Variants in SCFD2 observed in about 807,000 individuals in gnomAD.
The protein encoded by SCFD2 is sec1 family domain containing 2.
Under a neutral mutation model 58.9 loss-of-function variants are expected in SCFD2, and 54 were observed. That is an observed-to-expected ratio of 0.92 (90% CI 0.74 to 1.15). The LOEUF is 1.15. Among genes scored for constraint, SCFD2 ranks in the 50% most tolerant of loss-of-function variants. The probability of loss-of-function intolerance (pLI) is 0.00; values close to 1 mark genes in which losing one functional copy is unlikely to be tolerated. For missense variants in SCFD2, 805 were observed against 836.6 expected, an observed-to-expected ratio of 0.96 and a Z score of 0.47; for synonymous variants, 321 against 335.9, an observed-to-expected ratio of 0.96 and a Z score of 0.49.
intron 4 of SCFD2, among the ~76,000 whole-genome samples, chr4:53,251,132 G>A (rs1434341386): frequency 6.6e-6 from 1 of 152,144 alleles, no homozygotes; most frequent in African/African-American, 2.4e-5. Flanking sequence ...AGAAAATCTA[G>A]AAGAAATGGA....
chr4:53,148,433 G>A (rs60258908), intron 4 of SCFD2, among the ~76,000 whole-genome samples: 1 of 152,120 alleles, frequency 6.6e-6, no homozygotes, highest in Non-Finnish European at 1.5e-5. Context: ...ACAAAGTCAG[G>A]AATATTGACC....
At chr4:53,222,559 A>C (rs1729079188) in intron 4 of SCFD2, among the ~76,000 whole-genome samples, 1 of 152,222 alleles carries the variant, frequency 6.6e-6, no homozygotes. Flanking sequence ...TGACAGTTCT[A>C]GGGAAAACAA....
chr4:53,295,542 G>C (rs1731997482), intron 3 of SCFD2, among the ~76,000 whole-genome samples: 1 of 152,174 alleles, frequency 6.6e-6, no homozygotes, highest in African/African-American at 2.4e-5. Flanking sequence ...TTTGGGCTGA[G>C]ATGATGGGGT....
chr4:53,232,083 C>G (rs1248762249), intron 4 of SCFD2, among the ~76,000 whole-genome samples: 1 of 151,922 alleles, frequency 6.6e-6, no homozygotes, highest in East Asian at 1.9e-4. Flanking sequence ...CAAGAAATGC[C>G]AAACCCAAAT....
intron 4 of SCFD2, among the ~76,000 whole-genome samples, chr4:53,213,819 C>A (rs13122159): frequency 6.6e-6 from 1 of 151,904 alleles, no homozygotes; most frequent in Non-Finnish European, 1.5e-5. Flanking sequence ...CACCACCCCA[C>A]GACAGGCCCT....
intron 5 of SCFD2, among the ~76,000 whole-genome samples, chr4:53,134,595 C>T (rs1317324316): frequency 6.6e-6 from 1 of 152,160 alleles, no homozygotes; most frequent in Non-Finnish European, 1.5e-5. Flanking sequence ...TTTGATTATT[C>T]CAATTCGAGT....
chr4:53,353,854 C>T (rs1284848122), intron 1 of SCFD2, among the ~76,000 whole-genome samples: 53 of 140,190 alleles, frequency 3.8e-4, no homozygotes, highest in Non-Finnish European at 7.5e-5. Context: ...AGACACAGAG[C>T]ACTGATTGGT....
intron 4 of SCFD2, among the ~76,000 whole-genome samples, chr4:53,167,377 G>A (rs1727041756): frequency 1.3e-5 from 2 of 152,132 alleles, no homozygotes; most frequent in Admixed American, 6.6e-5. Context: ...TCCAAAGCAC[G>A]TGACTCATTT....
chr4:53,129,484 T>C (rs906999800), intron 5 of SCFD2, among the ~76,000 whole-genome samples: 2 of 152,224 alleles, frequency 1.3e-5, no homozygotes, highest in Non-Finnish European at 2.9e-5. Context: ...ACATTCTCCT[T>C]CTGGCTTTAA....
Position 52,873,915 on chromosome 4 carries a change from G to T in SCFD2, c.*54C>A. On this transcript the variant is annotated 3_prime_UTR_variant, in exon 9 of 9. Transcript: ENST00000401642. ...TGGAGGAGTATTTGGAGTGGTGGCAGAAAATTGCATCGGCATTTCCAGCTT... is the reference window on the plus strand; with the variant it reads ...TGGAGGAGTATTTGGAGTGGTGGCATAAAATTGCATCGGCATTTCCAGCTT... 7.4e-7 allele frequency: 1 copy of T among 1,356,350 alleles called. No individual in the cohort carries two copies. The highest frequency in any genetic ancestry group is 1.1e-6 in the Non-Finnish European group (1 of 946,218). The allele number at this position is 1,356,350 out of a possible 1,614,324, so 84.0% of individuals were successfully genotyped here.
chr4:53,271,179 C>T (rs569960800), intron 4 of SCFD2, among the ~76,000 whole-genome samples: 10 of 152,176 alleles, frequency 6.6e-5, no homozygotes, highest in African/African-American at 2.4e-4. Context: ...AGGACACAGC[C>T]TTGAGCCTTA....
intron 4 of SCFD2, among the ~76,000 whole-genome samples, chr4:53,249,868 A>T (rs1404744038): frequency 6.6e-6 from 1 of 152,182 alleles, no homozygotes; most frequent in East Asian, 1.9e-4. Flanking sequence ...AAAGACCATC[A>T]AGGCTAGGAA....
At chr4:53,048,819 C>A (rs531390456) in intron 5 of SCFD2, among the ~76,000 whole-genome samples, 14 of 152,286 alleles carry the variant, frequency 9.2e-5, no homozygotes, top group Non-Finnish European at 1.8e-4. Context: ...CTTGCTTCCT[C>A]TAAAGCTGCT....
intron 4 of SCFD2, among the ~76,000 whole-genome samples, chr4:53,170,694 C>G (rs73143487): frequency 0.035 from 5,378 of 151,920 alleles, 327 homozygotes; most frequent in African/African-American, 0.12. Flanking sequence ...TTATTTGAGT[C>G]TTCTTCTATT....
chr4:53,033,401 TAAAAG>T (rs1722669802), intron 5 of SCFD2, among the ~76,000 whole-genome samples: 1 of 151,696 alleles, frequency 6.6e-6, no homozygotes, highest in East Asian at 1.9e-4. Context: ...ACATCAAAAT[TAAAAG>T]AACTAGAGAA....
intron 8 of SCFD2, 46 bp from the exon 9 acceptor site, chr4:52,874,107 C>A: frequency 8.0e-7 from 1 of 1,242,728 alleles, no homozygotes; most frequent in Non-Finnish European, 1.2e-6. Flanking sequence ...TTAGGGGGGC[C>A]AATCTCAGGG....
intron 5 of SCFD2, among the ~76,000 whole-genome samples, chr4:53,022,019 T>C (rs1722361139): frequency 6.6e-6 from 1 of 152,182 alleles, no homozygotes; most frequent in Admixed American, 6.5e-5. Context: ...CCATGTATCA[T>C]AGAGCATGAT....
chr4:53,045,095 C>T (rs1374272235), intron 5 of SCFD2, among the ~76,000 whole-genome samples: 1 of 152,148 alleles, frequency 6.6e-6, no homozygotes, highest in Non-Finnish European at 1.5e-5. Flanking sequence ...GCCCTGATGA[C>T]AAAGTGTGAT....
chr4:52,907,410 A>C, intron 7 of SCFD2, 47 bp downstream of exon 7: 1 of 1,593,862 alleles, frequency 6.3e-7, no homozygotes, highest in Non-Finnish European at 8.6e-7. Flanking sequence ...ATGCCCAGCA[A>C]AGAGAACATT....
Sources: gnomAD v4.1 joint callset for allele counts (sites outside exome capture counted in the v4.1 genomes callset) on GRCh38, gnomAD v4.1.1 for gene constraint, MANE v1.5 for transcripts, NCBI Gene and HGNC (gene_info 2026-07-23, HGNC 2026-07-21) for gene names.